Variants in ITGA9 observed in about 807,000 individuals in gnomAD.
The protein encoded by ITGA9 is integrin alpha-9.
Under a neutral mutation model 127.8 loss-of-function variants are expected in ITGA9, and 56 were observed. That is an observed-to-expected ratio of 0.44 (90% CI 0.35 to 0.55). The LOEUF is 0.55. ITGA9 is among the 20% of genes least tolerant of loss of function. The pLI is 0.00. For missense variants in ITGA9, 1,196 were observed against 1,347.1 expected (o/e 0.89, Z 1.76); for synonymous variants, 508 against 514.5 (o/e 0.99, Z 0.17).
chr3:37,732,243 A>C (rs991524541), intron 18 of ITGA9, among the ~76,000 whole-genome samples: 1 of 152,092 alleles, frequency 6.6e-6, no homozygotes, highest in Non-Finnish European at 1.5e-5. Flanking sequence ...GCTGGTGGAC[A>C]GCCCAGCCCT....
chr3:37,561,142 C>G (rs960588987), intron 15 of ITGA9, among the ~76,000 whole-genome samples: 1 of 152,182 alleles, frequency 6.6e-6, no homozygotes, highest in African/African-American at 2.4e-5. Context: ...GACTTTAACA[C>G]AGGAATTTTG....
chr3:37,481,233 A>G (rs1032951312), intron 3 of ITGA9, among the ~76,000 whole-genome samples: 40 of 151,964 alleles, frequency 2.6e-4, no homozygotes, highest in Non-Finnish European at 8.8e-5. Flanking sequence ...TTCCTTCCCA[A>G]TGCTCAGGAC....
chr3:37,495,502 AAG>A, intron 5 of ITGA9, among the ~76,000 whole-genome samples: 2 of 152,280 alleles, frequency 1.3e-5, no homozygotes, highest in East Asian at 3.9e-4. Flanking sequence ...AGGCCAAAAA[AAG>A]AGTACTTTTT....
chr3:37,652,634 G>A (rs1239695849), intron 16 of ITGA9, among the ~76,000 whole-genome samples: 1 of 152,198 alleles, frequency 6.6e-6, no homozygotes, highest in Non-Finnish European at 1.5e-5. Flanking sequence ...CTGAGGTGCT[G>A]CCTGGACTTA....
At chr3:37,576,763 C>T (rs1354273965) in intron 15 of ITGA9, among the ~76,000 whole-genome samples, 1 of 152,204 alleles carries the variant, frequency 6.6e-6, no homozygotes. Flanking sequence ...CACCACCATG[C>T]CTGCCTAATT....
At chr3:37,641,843 CT>C (rs1462933952) in intron 16 of ITGA9, among the ~76,000 whole-genome samples, 2 of 152,318 alleles carry the variant, frequency 1.3e-5, no homozygotes, top group East Asian at 3.9e-4. Context: ...CTTTGCCATG[CT>C]TTTCCCGTGG....
At chr3:37,636,752 T>C (rs1426199627) in intron 16 of ITGA9, among the ~76,000 whole-genome samples, 2 of 152,194 alleles carry the variant, frequency 1.3e-5, no homozygotes, top group Non-Finnish European at 2.9e-5. Flanking sequence ...CTTCTAGGGT[T>C]TTTATGGTTT....
chr3:37,695,090 G>A (rs947770499), intron 18 of ITGA9, among the ~76,000 whole-genome samples: 1 of 152,162 alleles, frequency 6.6e-6, no homozygotes. Flanking sequence ...CCAAGGTACT[G>A]TTCCATCTCC....
intron 15 of ITGA9, among the ~76,000 whole-genome samples, chr3:37,626,310 T>G (rs1379048303): frequency 6.6e-6 from 1 of 152,200 alleles, no homozygotes; most frequent in East Asian, 1.9e-4. Flanking sequence ...ACTTGCTAGC[T>G]TTGGGATGGA....
At chr3:37,586,811 T>C (rs955381284) in intron 15 of ITGA9, among the ~76,000 whole-genome samples, 3 of 152,256 alleles carry the variant, frequency 2.0e-5, no homozygotes, top group Non-Finnish European at 4.4e-5. Flanking sequence ...AAAGCTGAGT[T>C]CGCTCAGAAT....
At chr3:37,494,339 ATTCC>A in intron 4 of ITGA9, among the ~76,000 whole-genome samples, 158 bp from the exon 5 acceptor site, 1 of 152,034 alleles carries the variant, frequency 6.6e-6, no homozygotes, top group African/African-American at 2.4e-5. Flanking sequence ...GGTCTGGTGG[ATTCC>A]TGAGACTTTC....
intron 15 of ITGA9, among the ~76,000 whole-genome samples, chr3:37,573,756 A>G (rs1486436571): frequency 6.6e-6 from 1 of 152,176 alleles, no homozygotes; most frequent in African/African-American, 2.4e-5. Context: ...AATATGAGCC[A>G]TGTGTGCCAG....
Position 37,465,520 on chromosome 3 carries a change from G to A in ITGA9, c.186-5487G>A, listed in dbSNP as rs1698360432. ...ATCTCTGAATGGAAAACACATGAGAGGCTGCCTGACAGGATGGCCATGAGC... is the reference window on the plus strand; with the variant it reads ...ATCTCTGAATGGAAAACACATGAGAAGCTGCCTGACAGGATGGCCATGAGC... On this transcript the variant is annotated intron_variant, in intron 1 of 27. Coordinates refer to ENST00000264741, the MANE Select transcript of ITGA9 (RefSeq NM_002207.3). Among the ~76,000 whole-genome samples the A allele has an allele frequency of 2.0e-5, 3 of 152,162 alleles. No homozygotes were observed. The South Asian group carries it at 6.2e-4, about 32-fold the overall frequency.
At chr3:37,716,475 A>G (rs1434878874) in intron 18 of ITGA9, among the ~76,000 whole-genome samples, 1 of 151,590 alleles carries the variant, frequency 6.6e-6, no homozygotes, top group East Asian at 1.9e-4. Flanking sequence ...CAGACACAGA[A>G]AAGGTTGCTC....
At chr3:37,517,676 A>C in intron 10 of ITGA9, 67 bp downstream of exon 10, 1 of 1,164,380 alleles carries the variant, frequency 8.6e-7, no homozygotes, top group Middle Eastern at 2.7e-4. Flanking sequence ...TCAGAGGGGC[A>C]GCCTGCTCGC....
chr3:37,613,314 T>G (rs1332896622), intron 15 of ITGA9, among the ~76,000 whole-genome samples: 1 of 152,240 alleles, frequency 6.6e-6, no homozygotes, highest in Non-Finnish European at 1.5e-5. Flanking sequence ...TATGGCTGCA[T>G]AGTATTCCAT....
intron 15 of ITGA9, among the ~76,000 whole-genome samples, chr3:37,562,319 C>T (rs1699499979): frequency 6.6e-6 from 1 of 152,196 alleles, no homozygotes; most frequent in Admixed American, 6.5e-5. Flanking sequence ...TCCCCACTGC[C>T]TACTTCCTCC....
chr3:37,599,429 G>A (rs950303015), intron 15 of ITGA9, among the ~76,000 whole-genome samples: 2 of 152,230 alleles, frequency 1.3e-5, no homozygotes, highest in Non-Finnish European at 2.9e-5. Context: ...TGTTTACATG[G>A]TTAGGAGGTT....
chr3:37,733,144 G>A, intron 19 of ITGA9: 1 of 354,646 alleles, frequency 2.8e-6, no homozygotes, highest in Non-Finnish European at 5.5e-6. Context: ...GAGTCCCCTA[G>A]ACAACACAGA....
Sources: allele counts gnomAD v4.1 joint callset (sites outside exome capture counted in the v4.1 genomes callset), GRCh38; gene constraint gnomAD v4.1.1; transcripts MANE v1.5; gene names NCBI Gene and HGNC (gene_info 2026-07-23, HGNC 2026-07-21).